Variants in NMU observed in about 807,000 individuals in gnomAD.
NMU encodes neuromedin-U.
A neutral mutation model predicts 35.4 loss-of-function variants in NMU; 29 were observed. The observed-to-expected ratio is 0.82, with a 90% CI of 0.61 to 1.12. The LOEUF (loss-of-function observed/expected upper bound fraction) is 1.12. Among genes scored for constraint, NMU ranks in the 50% most tolerant of loss-of-function variants. NMU has a pLI of 0.00. For synonymous variants in NMU, 78 were observed against 81.3 expected (o/e 0.96, Z 0.22); for missense variants, 199 against 206.2 (o/e 0.97, Z 0.21).
intron 1 of NMU, among the ~76,000 whole-genome samples, chr4:55,632,660 C>T (rs1363210206): frequency 6.6e-6 from 1 of 152,142 alleles, no homozygotes; most frequent in Non-Finnish European, 1.5e-5. Flanking sequence ...CCATATAAAA[C>T]ACCTGGTGAC....
At chr4:55,610,904 G>C (rs1322521369) in intron 3 of NMU, among the ~76,000 whole-genome samples, 1 of 152,018 alleles carries the variant, frequency 6.6e-6, no homozygotes, top group Non-Finnish European at 1.5e-5. Context: ...ATGCATGCTT[G>C]TGTCTTCATT....
At chr4:55,636,513 G>A, upstream of NMU, 1 of 313,386 alleles carries the variant, frequency 3.2e-6, no homozygotes. This position sits in a 1 kb window ranked among gnomAD's most constrained non-coding sequence, Gnocchi z 4.0. Context: ...GGGATAAAGA[G>A]AATGGAATTT....
At chr4:55,605,121 A>C (rs1374251581) in intron 7 of NMU, among the ~76,000 whole-genome samples, 154 bp downstream of exon 7, 1 of 152,178 alleles carries the variant, frequency 6.6e-6, no homozygotes, top group African/African-American at 2.4e-5. Context: ...ATTCTCTTCT[A>C]GTCTACAAAC....
intron 9 of NMU, among the ~76,000 whole-genome samples, chr4:55,598,528 A>G (rs1733295546): frequency 1.3e-5 from 2 of 152,148 alleles, no homozygotes; most frequent in African/African-American, 4.8e-5. Context: ...AAATATTAGG[A>G]TTAACATATT....
At chr4:55,630,257 T>C in intron 2 of NMU, 145 bp downstream of exon 2, 1 of 725,930 alleles carries the variant, frequency 1.4e-6, no homozygotes, top group Non-Finnish European at 2.3e-6. Flanking sequence ...CCTTCTCTTT[T>C]ATTTAATAAA....
chr4:55,608,751 A>G (rs1169801919), intron 4 of NMU, among the ~76,000 whole-genome samples: 1 of 152,070 alleles, frequency 6.6e-6, no homozygotes, highest in African/African-American at 2.4e-5. Flanking sequence ...ACAAAGTACA[A>G]TGTCCTGACC....
chr4:55,618,249 C>A (rs575409464), intron 2 of NMU, among the ~76,000 whole-genome samples: 27 of 152,192 alleles, frequency 1.8e-4, no homozygotes, highest in South Asian at 8.3e-4. Context: ...ATGTGCAGAA[C>A]GTGCAGGTTT....
At chr4:55,604,223 G>A (rs1305156805) in intron 7 of NMU, among the ~76,000 whole-genome samples, 3 of 149,728 alleles carry the variant, frequency 2.0e-5, no homozygotes, top group Non-Finnish European at 3.0e-5. Context: ...CCACCGCCAC[G>A]CCCAGCTAAT....
chr4:55,598,089 G>GGT (rs1733267095), intron 9 of NMU, among the ~76,000 whole-genome samples: 5 of 85,406 alleles, frequency 5.9e-5, no homozygotes, highest in African/African-American at 2.1e-4. Context: ...TTTGGTTGTG[G>GGT]TTTTTTTTTT....
chr4:55,611,001 G>A (rs79749335), intron 3 of NMU, among the ~76,000 whole-genome samples: 3,087 of 152,164 alleles, frequency 0.02, 100 homozygotes, highest in African/African-American at 0.071. Context: ...AAAATATTTC[G>A]TACACCTGTT....
intron 9 of NMU, among the ~76,000 whole-genome samples, chr4:55,597,613 A>AC: frequency 6.6e-6 from 1 of 152,146 alleles, no homozygotes; most frequent in South Asian, 2.1e-4. Context: ...TGATCCGCCC[A>AC]CCTTGGCCTC....
At chr4:55,609,769 T>G (rs188629211) in intron 3 of NMU, among the ~76,000 whole-genome samples, 126 of 152,296 alleles carry the variant, frequency 8.3e-4, no homozygotes, top group African/African-American at 2.9e-3. Context: ...GCTCTGTGGT[T>G]AGCAGCCAGC....
At chr4:55,604,100 C>T (rs1192745982) in intron 7 of NMU, among the ~76,000 whole-genome samples, 2 of 132,592 alleles carry the variant, frequency 1.5e-5, no homozygotes, top group Non-Finnish European at 3.2e-5. Flanking sequence ...GAGTCTCGCG[C>T]TGTCACTCAG....
intron 2 of NMU, among the ~76,000 whole-genome samples, chr4:55,627,724 A>G (rs1275663417): frequency 3.3e-5 from 5 of 152,234 alleles, no homozygotes; most frequent in Non-Finnish European, 7.3e-5. Flanking sequence ...CCAAAATCCA[A>G]AAATCTCCTG....
chr4:55,603,192 A>G (rs1044188160), intron 7 of NMU, among the ~76,000 whole-genome samples: 2 of 151,832 alleles, frequency 1.3e-5, no homozygotes, highest in African/African-American at 2.4e-5. Flanking sequence ...TTGTATTTTT[A>G]GTAGAGACGG....
chr4:55,600,626 G>A (rs373568347), intron 7 of NMU, 51 bp from the exon 8 acceptor site: 91 of 1,303,350 alleles, frequency 7.0e-5, no homozygotes, highest in Non-Finnish European at 9.5e-5. Flanking sequence ...AAAAATAAGT[G>A]CAAATTCTCC....
At chr4:55,600,654 G>T in intron 7 of NMU, 79 bp from the exon 8 acceptor site, 1 of 1,015,984 alleles carries the variant, frequency 9.8e-7, no homozygotes, top group Non-Finnish European at 1.6e-6. Context: ...TATATTGAGG[G>T]TCAAAATTAC....
chr4:55,611,204 A>T (rs1346935251), intron 3 of NMU, among the ~76,000 whole-genome samples: 1 of 151,974 alleles, frequency 6.6e-6, no homozygotes, highest in Non-Finnish European at 1.5e-5. Flanking sequence ...TCTACAAAAA[A>T]CACAAAAAAT....
chr4:55,632,416 T>C (rs1715652096), intron 1 of NMU, among the ~76,000 whole-genome samples: 1 of 152,154 alleles, frequency 6.6e-6, no homozygotes, highest in South Asian at 2.1e-4. Flanking sequence ...TACTAAGCAT[T>C]AGAAATAACT....
Sources: allele counts gnomAD v4.1 joint callset (sites outside exome capture counted in the v4.1 genomes callset), GRCh38; gene constraint gnomAD v4.1.1; non-coding constraint Gnocchi (gnomAD v3.1); transcripts MANE v1.5; gene names NCBI Gene and HGNC (gene_info 2026-07-23, HGNC 2026-07-21).